SPATA13: variants seen among roughly 807,000 people sequenced by gnomAD.
SPATA13 encodes spermatogenesis associated 13, also known as spermatogenesis-associated protein 13.
Under a neutral mutation model 104.0 loss-of-function variants are expected in SPATA13, and 50 were observed. That is an observed-to-expected ratio of 0.48 (90% confidence interval 0.38 to 0.61). The LOEUF is 0.61. SPATA13 is among the 20% of genes least tolerant of loss of function. SPATA13 has a pLI of 0.00. For synonymous variants in SPATA13, 606 were observed against 667.5 expected (o/e 0.91, Z 1.42); for missense variants, 1,524 against 1,690.6 (o/e 0.90, Z 1.73).
At chr13:24,211,446 G>A (rs1871007351) in intron 1 of SPATA13, among the ~76,000 whole-genome samples, 1 of 152,182 alleles carries the variant, frequency 6.6e-6, no homozygotes, top group Admixed American at 6.5e-5. Context: ...TATTTGTTGA[G>A]AGTTTTTATC....
chr13:24,148,034 G>A (rs1425605777), intron 3 of SPATA13, among the ~76,000 whole-genome samples: 1 of 152,152 alleles, frequency 6.6e-6, no homozygotes, highest in Non-Finnish European at 1.5e-5. Context: ...TTTGGCTTTT[G>A]TGAATAATGC....
At chr13:24,256,803 G>C (rs1873812573) in intron 4 of SPATA13, among the ~76,000 whole-genome samples, 2 of 152,196 alleles carry the variant, frequency 1.3e-5, no homozygotes, top group African/African-American at 4.8e-5. Flanking sequence ...AATAGAGTTG[G>C]GATAATGAAT....
intron 4 of SPATA13, among the ~76,000 whole-genome samples, chr13:24,258,758 C>T (rs542676168): frequency 1.3e-5 from 2 of 152,234 alleles, no homozygotes; most frequent in South Asian, 4.1e-4. Flanking sequence ...GTGATAAATC[C>T]AGCATGCTAC....
chr13:24,302,653 G>A lies in SPATA13; in HGVS notation c.3714G>A (p.Gln1238=). 1 of 1,613,954 alleles carries A rather than the reference G, an allele frequency of 6.2e-7. No homozygotes were observed. The highest frequency in any genetic ancestry group is 8.5e-7 in the Non-Finnish European group (1 of 1,179,994). ...ACCAGGGCCTGCACCCCATCCACCA[G>A]CGCCACATCACTATGCCCACAAGCG... ...PPHQGLHPIH[Q]RHITMPTSVP... is the part of the protein sequence containing the mutation. Residue 1238 remains glutamine, a synonymous_variant, in exon 13 of 13, where the codon CAG becomes CAA. Transcript: ENST00000382108.
intron 3 of SPATA13, among the ~76,000 whole-genome samples, chr13:24,077,414 G>T (rs1879369002): frequency 6.6e-6 from 1 of 151,938 alleles, no homozygotes; most frequent in Non-Finnish European, 1.5e-5. Flanking sequence ...TGGAACGAAA[G>T]AACAGATATA....
At chr13:24,174,159 T>C (rs2138511517) in intron 1 of SPATA13, among the ~76,000 whole-genome samples, 1 of 152,308 alleles carries the variant, frequency 6.6e-6, no homozygotes. Context: ...CTGTTGAAGT[T>C]ATCTTTTCAC....
At chr13:24,068,048 T>G (rs1348646588) in intron 3 of SPATA13, among the ~76,000 whole-genome samples, 1 of 152,202 alleles carries the variant, frequency 6.6e-6, no homozygotes, top group Non-Finnish European at 1.5e-5. Flanking sequence ...ATGTGTATGT[T>G]CATTAGATAG....
In SPATA13 at chr13:24,123,224, G is replaced by C. The variant is rs375332036; in HGVS notation, c.-111-99595G>C. 134 of 1,588,276 alleles carry C rather than the reference G, an allele frequency of 8.4e-5. 1 individual carries two copies. In the African/African-American group the frequency reaches 1.7e-3, roughly 20 times the overall value. On this transcript the variant is annotated intron_variant, in intron 3 of 14. Transcript: ENST00000424834. ...ATTCTTTAGCTTTTTCTTGATTGCT[G>C]ATCAATACTTGAAGGGCAATGGCAG... is the stretch of plus-strand genomic sequence containing the variant.
At chr13:24,021,117 A>C (rs1462536428) in intron 3 of SPATA13, among the ~76,000 whole-genome samples, 1 of 152,236 alleles carries the variant, frequency 6.6e-6, no homozygotes, top group African/African-American at 2.4e-5. Context: ...AGTAGAACAC[A>C]ATATATAAGG....
At chr13:24,266,824 C>T (rs1315627144) in intron 4 of SPATA13, among the ~76,000 whole-genome samples, 1 of 151,472 alleles carries the variant, frequency 6.6e-6, no homozygotes, top group African/African-American at 2.4e-5. Flanking sequence ...CAGGGCTTCC[C>T]TCTGTCACCC....
chr13:24,108,662 G>GT (rs1593334656), intron 3 of SPATA13, among the ~76,000 whole-genome samples: 2 of 75,880 alleles, frequency 2.6e-5, no homozygotes, highest in East Asian at 7.3e-4. Context: ...TTCATGGTAG[G>GT]GGGGGGGAAG....
At chr13:24,087,636 A>C (rs1879775973) in intron 3 of SPATA13, among the ~76,000 whole-genome samples, 2 of 152,188 alleles carry the variant, frequency 1.3e-5, no homozygotes, top group South Asian at 4.1e-4. Context: ...AGGAATGAAG[A>C]TGGAATTGCT....
intron 3 of SPATA13, among the ~76,000 whole-genome samples, chr13:24,030,064 A>ACG (rs1287437503): frequency 4.3e-5 from 6 of 140,220 alleles, no homozygotes; most frequent in African/African-American, 1.5e-4. Context: ...ACACACACAC[A>ACG]CGCACACACA....
intron 4 of SPATA13, among the ~76,000 whole-genome samples, chr13:24,269,651 C>T (rs1056824153): frequency 6.6e-6 from 1 of 152,054 alleles, no homozygotes; most frequent in African/African-American, 2.4e-5. Context: ...TTACTGCAGC[C>T]TCCACCTTCT....
chr13:24,286,102 A>G lies in SPATA13; in HGVS notation c.2302-112A>G, dbSNP rs9507300. On this transcript the variant is annotated intron_variant, in intron 5 of 12. Coordinates refer to ENST00000382108, the MANE Select transcript of SPATA13 (RefSeq NM_001166271.3). The surrounding 1 kb of genome is among the most constrained non-coding windows in gnomAD (Gnocchi z 4.9). Reference sequence around the variant, plus strand: ...TCAGTGTGGACCAAATGCCACCAGCATATCCAAGTGAGAGGATACCAGTGT... The same window carrying G: ...TCAGTGTGGACCAAATGCCACCAGCGTATCCAAGTGAGAGGATACCAGTGT... 791,323 of 975,786 alleles carry G rather than the reference A, an allele frequency of 0.81. 322,430 individuals carry two copies. The highest frequency in any genetic ancestry group is 0.92 in the East Asian group (36,493 of 39,730). The allele number at this position is 975,786 out of a possible 1,614,324, so 60.4% of individuals were successfully genotyped here. A position where few individuals can be genotyped will look rare whatever the true frequency, so the allele number is the denominator to read the frequency against.
intron 2 of SPATA13, among the ~76,000 whole-genome samples, chr13:24,004,407 G>T (rs111293114): frequency 0.015 from 2,264 of 152,218 alleles, 61 homozygotes; most frequent in African/African-American, 0.051. Context: ...CATCCAGGTT[G>T]GATGGACCAC....
At chr13:24,030,860 C>T (rs557585490) in intron 3 of SPATA13, among the ~76,000 whole-genome samples, 22 of 152,270 alleles carry the variant, frequency 1.4e-4, no homozygotes, top group Middle Eastern at 3.4e-3. Context: ...CTCATTTAAT[C>T]CTCACAGCCC....
chr13:24,084,601 A>C (rs1315689203), intron 3 of SPATA13, among the ~76,000 whole-genome samples: 1 of 152,188 alleles, frequency 6.6e-6, no homozygotes, highest in African/African-American at 2.4e-5. Flanking sequence ...CTGACTGCTC[A>C]GTTCTGTCCT....
chr13:24,266,826 C>T (rs958525462), intron 4 of SPATA13, among the ~76,000 whole-genome samples: 1 of 151,524 alleles, frequency 6.6e-6, no homozygotes, highest in Non-Finnish European at 1.5e-5. Context: ...GGGCTTCCCT[C>T]TGTCACCCAG....
Sources: allele counts gnomAD v4.1 joint callset (sites outside exome capture counted in the v4.1 genomes callset), GRCh38; gene constraint gnomAD v4.1.1; non-coding constraint Gnocchi (gnomAD v3.1); transcripts MANE v1.5; gene names NCBI Gene and HGNC (gene_info 2026-07-23, HGNC 2026-07-21).